The following ARSB variants were observed in gnomAD, a reference collection of about 807,000 sequenced individuals.
ARSB encodes N-acetylgalactosamine-4-sulfatase.
Under a neutral mutation model 50.9 loss-of-function variants are expected in ARSB, and 41 were observed. That is an observed-to-expected ratio of 0.81 (90% confidence interval 0.63 to 1.04). The LOEUF (loss-of-function observed/expected upper bound fraction) is 1.04. Ranked by LOEUF, ARSB falls within the 50% of genes least tolerant of loss-of-function variation. The pLI is 0.00. For missense variants in ARSB, 672 were observed against 693.3 expected (o/e 0.97, Z 0.35); for synonymous variants, 269 against 284.8 (o/e 0.94, Z 0.56).
At chr5:78,784,982 T>C (rs967357027) in intron 6 of ARSB, among the ~76,000 whole-genome samples, 1 of 151,918 alleles carries the variant, frequency 6.6e-6, no homozygotes, top group African/African-American at 2.4e-5. Flanking sequence ...GTATTTTTAG[T>C]AGAGACAGAG....
chr5:78,796,667 T>G (rs1743185863), intron 6 of ARSB, among the ~76,000 whole-genome samples: 1 of 152,174 alleles, frequency 6.6e-6, no homozygotes, highest in Admixed American at 6.5e-5. Flanking sequence ...TGCCATTCTT[T>G]TTTTTTTGAC....
In ARSB at chr5:78,985,151, G is replaced by A. The variant is rs201168448; in HGVS notation, c.98C>T (p.Ala33Val). 0.012 allele frequency: 17,684 copies of A among 1,453,254 alleles called. 149 individuals are homozygous for A. The highest frequency in any genetic ancestry group is 0.013 in the Non-Finnish European group (14,776 of 1,101,914). 90.0% of individuals were successfully genotyped at this position (1,453,254 alleles called of 1,614,324 possible). A position where few individuals can be genotyped will look rare whatever the true frequency, so the allele number is the denominator to read the frequency against. Residue 33 changes from alanine (A) to valine (V), a missense_variant, in exon 1 of 8, where the codon GCG becomes GTG. By Grantham distance (64) the Ala-to-Val change is moderately conservative. Transcript: ENST00000264914. ...GGCCCCGGCGCCCGAGCCCGGCGGC[G>A]CCAACAACAGCAGCAGCAGCAGCGG... ...VLPLLLLLLL[A>V]PPGSGAGASR...
chr5:78,850,157 C>T (rs1745688712), intron 5 of ARSB, among the ~76,000 whole-genome samples: 7 of 152,222 alleles, frequency 4.6e-5, no homozygotes, highest in Non-Finnish European at 7.3e-5. Context: ...AAAGGGAATG[C>T]TTCCAGTTTT....
chr5:78,852,974 G>T (rs919443664), intron 5 of ARSB, among the ~76,000 whole-genome samples: 2 of 152,134 alleles, frequency 1.3e-5, no homozygotes, highest in Admixed American at 6.5e-5. Flanking sequence ...TTTTTTCAAA[G>T]TTTTTAACTT....
Position 78,844,278 on chromosome 5 carries a change from A to G in ARSB, c.1143-4852T>C, listed in dbSNP as rs531165669. 1.6e-4 allele frequency among the ~76,000 whole-genome samples: 24 copies of G among 152,210 alleles called. No homozygotes were observed. The East Asian group carries it at 4.0e-3, about 26-fold the overall frequency. On this transcript the variant is annotated intron_variant, in intron 5 of 7. Coordinates refer to ENST00000264914, the MANE Select transcript of ARSB (RefSeq NM_000046.5). Reference sequence around the variant, plus strand: ...GATATCTCATTGCGATTTGATTTGCATTTTCCTAATAATTAATGATGAGCA... The same window carrying G: ...GATATCTCATTGCGATTTGATTTGCGTTTTCCTAATAATTAATGATGAGCA...
intron 5 of ARSB, among the ~76,000 whole-genome samples, chr5:78,840,929 A>G (rs940281996): frequency 1.3e-5 from 2 of 152,170 alleles, no homozygotes; most frequent in African/African-American, 4.8e-5. Flanking sequence ...AGTAGAAATG[A>G]TATGTAAAGA....
intron 5 of ARSB, among the ~76,000 whole-genome samples, chr5:78,872,193 C>T (rs200075784): frequency 0.19 from 28,216 of 149,096 alleles, 3,008 homozygotes; most frequent in East Asian, 0.44. Context: ...TGTGGAGAAA[C>T]AGGAACACTT....
chr5:78,780,487 G>C lies in ARSB; in HGVS notation c.1512C>G (p.Phe504Leu), dbSNP rs747277485. The change falls in exon 8 of 8, where the codon TTC becomes TTG. Residue 504 changes from phenylalanine to leucine, a missense_variant. By Grantham distance (22) the Phe-to-Leu change is conservative (BLOSUM62 0). Coordinates refer to ENST00000264914, the MANE Select transcript of ARSB (RefSeq NM_000046.5). ...IVTKLLSRLQ[F>L]YHKHSVPVYF... ...ACACGGGGACTGAGTGTTTATGGTA[G>C]AACTGTAGGCGGGACAGGAGCTTTG... The C allele has an allele frequency of 1.2e-6, 2 of 1,614,062 alleles. No homozygotes were observed.
In ARSB at chr5:78,852,321, A is replaced by G. The variant is rs1395712921; in HGVS notation, c.1143-12895T>C. Among the ~76,000 whole-genome samples, 5 of 152,260 alleles carry G rather than the reference A, an allele frequency of 3.3e-5. No homozygotes were observed. The South Asian group carries it at 8.3e-4, about 25-fold the overall frequency. On this transcript the variant is annotated intron_variant, in intron 5 of 7. Coordinates refer to ENST00000264914, the MANE Select transcript of ARSB (RefSeq NM_000046.5). Reference sequence around the variant, plus strand: ...TATTTCTCCTTCACTTATGAAGCTTAGTTTGGCTGGATATGAAATTCTGGG... The same window carrying G: ...TATTTCTCCTTCACTTATGAAGCTTGGTTTGGCTGGATATGAAATTCTGGG...
chr5:78,960,798 C>T (rs1252290080), intron 3 of ARSB, among the ~76,000 whole-genome samples: 5 of 152,120 alleles, frequency 3.3e-5, no homozygotes, highest in African/African-American at 9.7e-5. Flanking sequence ...CTCCTAACCT[C>T]ACAATCCACC....
chr5:78,944,010 C>T (rs1751077970), intron 4 of ARSB, among the ~76,000 whole-genome samples: 1 of 152,206 alleles, frequency 6.6e-6, no homozygotes, highest in African/African-American at 2.4e-5. Flanking sequence ...CTTCTCTTCT[C>T]ACTTCATTAC....
At chr5:78,915,157 G>T (rs1044254852) in intron 4 of ARSB, among the ~76,000 whole-genome samples, 1 of 152,076 alleles carries the variant, frequency 6.6e-6, no homozygotes, top group Non-Finnish European at 1.5e-5. Flanking sequence ...CTATCAATGC[G>T]CAATCAGCTT....
intron 6 of ARSB, among the ~76,000 whole-genome samples, chr5:78,790,007 G>C (rs984164744): frequency 6.6e-6 from 1 of 152,160 alleles, no homozygotes; most frequent in African/African-American, 2.4e-5. Context: ...GGCACAAACA[G>C]CGCTGTAGGG....
At chr5:78,841,965 T>C (rs1219194811) in intron 5 of ARSB, among the ~76,000 whole-genome samples, 1 of 152,096 alleles carries the variant, frequency 6.6e-6, no homozygotes, top group Non-Finnish European at 1.5e-5. Context: ...GAAAACACAA[T>C]ATATGACAAG....
At chr5:78,942,999 T>C (rs1751015373) in intron 4 of ARSB, among the ~76,000 whole-genome samples, 1 of 152,260 alleles carries the variant, frequency 6.6e-6, no homozygotes, top group African/African-American at 2.4e-5. Context: ...GAGAGTTAGC[T>C]CTTCTTGTTG....
In ARSB at chr5:78,961,887, A is replaced by G. The variant is rs749034019; in HGVS notation, c.690+2529T>C. Among the ~76,000 whole-genome samples, 26 of 152,076 alleles carry G rather than the reference A, an allele frequency of 1.7e-4. 1 individual carries two copies. Among genetic ancestry groups the G allele is most frequent in the Admixed American group, 1.2e-3 (19 of 15,262 alleles). ...CACTGGTAGGAGCCCAGGAGGAGGA[A>G]TAATGAAACACCAATGATTGGGTCC... On this transcript the variant is annotated intron_variant, in intron 3 of 7. Coordinates refer to ENST00000264914, the MANE Select transcript of ARSB (RefSeq NM_000046.5).
chr5:78,886,047 C>T (rs186316994), intron 4 of ARSB, among the ~76,000 whole-genome samples: 2 of 152,270 alleles, frequency 1.3e-5, no homozygotes, highest in Admixed American at 1.3e-4. Context: ...CCTTTAAATC[C>T]TCCATGGAGA....
chr5:78,925,991 A>C (rs1750028237), intron 4 of ARSB, among the ~76,000 whole-genome samples: 1 of 152,212 alleles, frequency 6.6e-6, no homozygotes, highest in South Asian at 2.1e-4. Context: ...CCATAGAAAG[A>C]TTTTATAATA....
chr5:78,885,227 G>T (rs184573534), intron 5 of ARSB: 4 of 338,348 alleles, frequency 1.2e-5, no homozygotes, highest in African/African-American at 8.5e-5. Context: ...TTTCCCTGCT[G>T]TTTTGTCCTC....
Sources: gnomAD v4.1 joint callset for allele counts (sites outside exome capture counted in the v4.1 genomes callset) on GRCh38, gnomAD v4.1.1 for gene constraint, MANE v1.5 for transcripts, NCBI Gene and HGNC (gene_info 2026-07-23, HGNC 2026-07-21) for gene names.